KLHL24: variants seen among roughly 807,000 people sequenced by gnomAD.
KLHL24 encodes the protein kelch-like protein 24.
Under a neutral mutation model 53.4 loss-of-function variants are expected in KLHL24, and 29 were observed. That is an observed-to-expected ratio of 0.54 (90% CI 0.40 to 0.74). The LOEUF (loss-of-function observed/expected upper bound fraction) is 0.74, where lower values mean the gene tolerates loss of function less well. Ranked by LOEUF, KLHL24 falls within the 30% of genes least tolerant of loss-of-function variation. The pLI, the probability that KLHL24 is intolerant of heterozygous loss-of-function variation, is 0.00. For missense variants in KLHL24, 504 were observed against 744.0 expected (o/e 0.68, Z 3.75); for synonymous variants, 222 against 253.7 (o/e 0.88, Z 1.19).
chr3:183,677,017 T>A (rs560062442), intron 7 of KLHL24, among the ~76,000 whole-genome samples: 1 of 151,950 alleles, frequency 6.6e-6, no homozygotes, highest in Non-Finnish European at 1.5e-5. Context: ...CTAGCTGCCC[T>A]TACTCCTGAA....
In KLHL24 at chr3:183,663,423, A is replaced by G. The variant is rs763524664; in HGVS notation, c.921-35A>G. 11 of 1,091,148 alleles carry G rather than the reference A, an allele frequency of 1.0e-5. No individual in the cohort carries two copies. The highest frequency in any genetic ancestry group is 1.4e-5 in the Non-Finnish European group (11 of 790,948). The allele number at this position is 1,091,148 out of a possible 1,614,324, so 67.6% of individuals were successfully genotyped here. On this transcript the variant is annotated intron_variant, in intron 3 of 7. Transcript: ENST00000242810. The surrounding 1 kb of genome is among the most constrained non-coding windows in gnomAD (Gnocchi z 4.9). ...GAGTATATTTTAATGTAATATTATT[A>G]TATTATTTATGTACGCTAATAATTA...
intron 6 of KLHL24, among the ~76,000 whole-genome samples, chr3:183,671,629 C>T (rs1721338413): frequency 6.6e-6 from 1 of 152,076 alleles, no homozygotes; most frequent in East Asian, 1.9e-4. Context: ...AAGTATTTTT[C>T]AGAAAAAAGG....
intron 1 of KLHL24, chr3:183,643,110 A>G (rs529261578): frequency 1.3e-5 from 2 of 152,494 alleles, no homozygotes; most frequent in South Asian, 4.1e-4. Flanking sequence ...CATACGTGTA[A>G]TCCCAACTAC....
chr3:183,667,654 G>A (rs1034098778), intron 5 of KLHL24, among the ~76,000 whole-genome samples: 8 of 152,052 alleles, frequency 5.3e-5, no homozygotes, highest in South Asian at 2.1e-4. Context: ...CCATTAAACC[G>A]CTCCCTGGTG....
At chr3:183,638,497 A>G (rs1715754778) in intron 1 of KLHL24, among the ~76,000 whole-genome samples, 1 of 152,210 alleles carries the variant, frequency 6.6e-6, no homozygotes, top group African/African-American at 2.4e-5. Flanking sequence ...TTGGGTATGG[A>G]CTGTATAATG....
Position 183,664,943 on chromosome 3 carries a change from T to A in KLHL24, c.1128T>A (p.Asp376Glu), listed in dbSNP as rs2039524922. ...AAGGTGGAAGAATCAACAGCCGTGA[T>A]GTCTGGATTTATAACTCACAGTTAA... ...LVSGGRINSR[D>E]VWIYNSQLNI... The change falls in exon 5 of 8, where the codon GAT becomes GAA. Residue 376 changes from aspartate (D) to glutamate (E), a missense_variant. Coordinates refer to ENST00000242810, the MANE Select transcript of KLHL24 (RefSeq NM_017644.3). 2 of 1,609,936 alleles carry A rather than the reference T, an allele frequency of 1.2e-6. No homozygotes were observed. Among genetic ancestry groups the A allele is most frequent in the Non-Finnish European group, 1.7e-6 (2 of 1,176,756 alleles).
chr3:183,639,080 A>G (rs1212308911), intron 1 of KLHL24, among the ~76,000 whole-genome samples: 1 of 151,254 alleles, frequency 6.6e-6, no homozygotes, highest in Non-Finnish European at 1.5e-5. Flanking sequence ...AGGCGGCTGT[A>G]ATCCCAGCTA....
chr3:183,668,766 A>G (rs1290610754), intron 5 of KLHL24, among the ~76,000 whole-genome samples: 1 of 152,100 alleles, frequency 6.6e-6, no homozygotes, highest in African/African-American at 2.4e-5. Flanking sequence ...TTAGCTGGGC[A>G]TAGTGGCGGA....
At chr3:183,655,797 C>G (rs1443468736) in intron 3 of KLHL24, among the ~76,000 whole-genome samples, 1 of 151,946 alleles carries the variant, frequency 6.6e-6, no homozygotes, top group Admixed American at 6.6e-5. Context: ...TGGAGCGTGC[C>G]TGTAGTCCCA....
At position 183,665,547 on chromosome 3, in the gene KLHL24, G is replaced by A. The variant is rs542089279; in HGVS notation, c.1224+508G>A. 3.0e-3 allele frequency among the ~76,000 whole-genome samples: 454 copies of A among 152,168 alleles called. 2 individuals carry two copies. The highest frequency in any genetic ancestry group is 0.011 in the African/African-American group (437 of 41,530). On this transcript the variant is annotated intron_variant, in intron 5 of 7. Coordinates refer to ENST00000242810, the MANE Select transcript of KLHL24 (RefSeq NM_017644.3). ...GGGCAGATCATGAGGTCAGGAGATC[G>A]AGACCATCCTGGCCAATGTGGTGAA...
At position 183,663,112 on chromosome 3, in the gene KLHL24, G is replaced by A. The variant is rs9827156; in HGVS notation, c.921-346G>A. ...ATTATCTTACCTTGTGTGGTTATGC[G>A]TATCTGAATCACTGCAAAACTGCAT... On this transcript the variant is annotated intron_variant, in intron 3 of 7. Coordinates refer to ENST00000242810, the MANE Select transcript of KLHL24 (RefSeq NM_017644.3). This position sits in a 1 kb window ranked among gnomAD's most constrained non-coding sequence, Gnocchi z 4.9. Among the ~76,000 whole-genome samples, 65,173 of 152,020 alleles carry A rather than the reference G, an allele frequency of 0.43. 18,339 individuals are homozygous for A. The highest frequency in any genetic ancestry group is 0.81 in the African/African-American group (33,493 of 41,468).
intron 7 of KLHL24, among the ~76,000 whole-genome samples, chr3:183,678,580 T>G (rs1218905709): frequency 6.6e-6 from 1 of 152,040 alleles, no homozygotes; most frequent in Non-Finnish European, 1.5e-5. Flanking sequence ...ATAGGTACAC[T>G]GTGTCATGGG....
chr3:183,647,206 G>GTCA (rs1717408868), intron 2 of KLHL24, among the ~76,000 whole-genome samples: 1 of 151,782 alleles, frequency 6.6e-6, no homozygotes, highest in African/African-American at 2.4e-5. Context: ...GGATCACGAG[G>GTCA]TCATATTGAG....
At chr3:183,671,283 G>C (rs916118959) in intron 6 of KLHL24, 61 bp downstream of exon 6, 9 of 1,463,988 alleles carry the variant, frequency 6.1e-6, no homozygotes, top group South Asian at 2.6e-5. Flanking sequence ...AATACAGAAG[G>C]CTTATCAAGT....
At chr3:183,675,762 G>A in intron 7 of KLHL24, among the ~76,000 whole-genome samples, 1 of 150,542 alleles carries the variant, frequency 6.6e-6, no homozygotes, top group Non-Finnish European at 1.5e-5. Flanking sequence ...GTGAGACCCT[G>A]TCTCAAAAAA....
At chr3:183,668,023 T>C (rs1414793003) in intron 5 of KLHL24, among the ~76,000 whole-genome samples, 3 of 150,190 alleles carry the variant, frequency 2.0e-5, no homozygotes, top group Non-Finnish European at 3.0e-5. Context: ...CAAAACACAG[T>C]TTAAAAGCTG....
At chr3:183,641,599 T>G (rs1298921775) in intron 1 of KLHL24, among the ~76,000 whole-genome samples, 1 of 152,166 alleles carries the variant, frequency 6.6e-6, no homozygotes, top group Non-Finnish European at 1.5e-5. Flanking sequence ...TCCTGTGGTG[T>G]TCTTTCAAGG....
intron 3 of KLHL24, among the ~76,000 whole-genome samples, chr3:183,652,288 A>G (rs1481611303): frequency 6.6e-6 from 1 of 152,222 alleles, no homozygotes. Flanking sequence ...TAATTCATAA[A>G]CTATAGAAAA....
chr3:183,648,683 A>G (rs1488238703), intron 2 of KLHL24, among the ~76,000 whole-genome samples: 1 of 152,162 alleles, frequency 6.6e-6, no homozygotes, highest in Non-Finnish European at 1.5e-5. Context: ...GAAAGGGAGT[A>G]GAAGAATCGC....
Sources: allele counts gnomAD v4.1 joint callset (sites outside exome capture counted in the v4.1 genomes callset), GRCh38; gene constraint gnomAD v4.1.1; non-coding constraint Gnocchi (gnomAD v3.1); transcripts MANE v1.5; gene names NCBI Gene and HGNC (gene_info 2026-07-23, HGNC 2026-07-21).